TBC1D30: variants seen among roughly 807,000 people sequenced by gnomAD.
TBC1D30 encodes TBC1 domain family member 30.
In TBC1D30, 31 loss-of-function variants were observed where a neutral mutation model predicts 63.2. The ratio of observed to expected loss-of-function variants is 0.49; its 90% CI spans 0.37 to 0.66. TBC1D30 has a LOEUF of 0.66. TBC1D30 is among the 30% of genes least tolerant of loss of function. TBC1D30 has a pLI of 0.00. For missense variants in TBC1D30, 810 were observed against 953.6 expected, an observed-to-expected ratio of 0.85 and a Z score of 1.98; for synonymous variants, 307 against 361.5, an observed-to-expected ratio of 0.85 and a Z score of 1.71.
chr12:64,874,836 A>G (rs765555400), intron 11 of TBC1D30, among the ~76,000 whole-genome samples, 165 bp from the exon 12 acceptor site: 1 of 152,084 alleles, frequency 6.6e-6, no homozygotes, highest in Non-Finnish European at 1.5e-5. Context: ...CTTCGGTTGA[A>G]TTCAGTTTCT....
chr12:64,817,564 C>T (rs188142834), intron 2 of TBC1D30, among the ~76,000 whole-genome samples: 15 of 152,270 alleles, frequency 9.9e-5, no homozygotes, highest in Admixed American at 3.9e-4. Context: ...ACCTGGAGAG[C>T]GAAGGCTTCC....
intron 5 of TBC1D30, among the ~76,000 whole-genome samples, chr12:64,834,384 C>T (rs1032622421): frequency 1.3e-5 from 2 of 150,320 alleles, no homozygotes; most frequent in African/African-American, 4.9e-5. Context: ...ATTCAGAGCT[C>T]TCCCATTATT....
At chr12:64,787,403 TG>T in intron 2 of TBC1D30, 3 of 982,542 alleles carry the variant, frequency 3.1e-6, no homozygotes, top group Non-Finnish European at 3.6e-6. Context: ...ATAGGTACAA[TG>T]ATGTTTTTGA....
At chr12:64,820,208 T>C (rs1440056377), upstream of TBC1D30, among the ~76,000 whole-genome samples, 1 of 152,192 alleles carries the variant, frequency 6.6e-6, no homozygotes, top group Non-Finnish European at 1.5e-5. Context: ...TCAGACCCAC[T>C]TCCCCTTCTG....
chr12:64,822,005 A>G (rs1384614199), upstream of TBC1D30, among the ~76,000 whole-genome samples: 1 of 152,214 alleles, frequency 6.6e-6, no homozygotes, highest in Non-Finnish European at 1.5e-5. Context: ...TTACTTTTGC[A>G]GATGGCTCAT....
intron 8 of TBC1D30, among the ~76,000 whole-genome samples, chr12:64,843,792 T>A (rs1876112668): frequency 6.6e-6 from 1 of 152,182 alleles, no homozygotes; most frequent in Admixed American, 6.5e-5. Context: ...ATTTTATTCT[T>A]AGTCTTTCTT....
chr12:64,837,455 C>T (rs535812220), intron 6 of TBC1D30, among the ~76,000 whole-genome samples: 2 of 151,700 alleles, frequency 1.3e-5, no homozygotes, highest in South Asian at 4.2e-4. Flanking sequence ...AGTGACGGCT[C>T]ATCAGGCATT....
chr12:64,842,208 A>T (rs532465923), intron 7 of TBC1D30, among the ~76,000 whole-genome samples: 3 of 152,118 alleles, frequency 2.0e-5, no homozygotes, highest in South Asian at 4.2e-4. Flanking sequence ...AAATACAAAA[A>T]ACCAGCAGGG....
At chr12:64,855,545 G>A (rs1848456425) in intron 8 of TBC1D30, among the ~76,000 whole-genome samples, 1 of 151,954 alleles carries the variant, frequency 6.6e-6, no homozygotes, top group South Asian at 2.1e-4. Flanking sequence ...TCTCCTCTGT[G>A]TATTTTCATA....
rs973407985 is a variant in TBC1D30, at chr12:64,877,676, T to C, written c.*1888T>C. On this transcript the variant is annotated 3_prime_UTR_variant, in exon 12 of 12. Coordinates refer to ENST00000539867, the MANE Select transcript of TBC1D30 (RefSeq NM_015279.2). ...GGTGGAGAGATGGGCTTATTTTGCA[T>C]ACCACCCTCAGGGCCCAGAGACCCA... 6.6e-6 allele frequency: 1 copy of C among 152,240 alleles called. No individual in the cohort carries two copies. Among genetic ancestry groups the C allele is most frequent in the Non-Finnish European group, 1.5e-5 (1 of 68,054 alleles). 9.4% of individuals were successfully genotyped at this position (152,240 alleles called of 1,614,324 possible). A position where few individuals can be genotyped will look rare whatever the true frequency, so the allele number is the denominator to read the frequency against.
chr12:64,818,844 T>C (rs1052298221), intron 2 of TBC1D30: 7 of 152,192 alleles, frequency 4.6e-5, no homozygotes, highest in Non-Finnish European at 7.3e-5. Flanking sequence ...ATTTTTTTCA[T>C]GAATAAGTGA....
intron 11 of TBC1D30, 123 bp from the exon 12 acceptor site, chr12:64,874,878 C>A: frequency 1.1e-6 from 1 of 922,498 alleles, no homozygotes; most frequent in Non-Finnish European, 1.6e-6. Flanking sequence ...CTGCCCCTCC[C>A]TGGGGAACAC....
At chr12:64,796,826 A>G (rs1872303929) in intron 2 of TBC1D30, among the ~76,000 whole-genome samples, 1 of 152,128 alleles carries the variant, frequency 6.6e-6, no homozygotes, top group Non-Finnish European at 1.5e-5. Context: ...AGACCTCACG[A>G]TTTGAAGTTC....
chr12:64,794,925 A>G (rs1448109699), intron 2 of TBC1D30, among the ~76,000 whole-genome samples: 5 of 152,226 alleles, frequency 3.3e-5, no homozygotes, highest in Non-Finnish European at 5.9e-5. Context: ...ATTGCTCTAA[A>G]GATATTATGA....
chr12:64,860,319 AT>A (rs1407489677), intron 8 of TBC1D30, among the ~76,000 whole-genome samples: 5 of 151,574 alleles, frequency 3.3e-5, no homozygotes, highest in South Asian at 2.1e-4. Context: ...TGCTTGGCTA[AT>A]TTTTTTTAAT....
At position 64,830,367 on chromosome 12, in the gene TBC1D30, A is replaced by G. The variant is rs1217093992; in HGVS notation, c.283-10A>G. The G allele has an allele frequency of 5.9e-6, 9 of 1,518,134 alleles. No homozygotes were observed. In the Admixed American group the frequency reaches 9.9e-5, roughly 17 times the overall value. 94.0% of individuals were successfully genotyped at this position (1,518,134 alleles called of 1,614,324 possible). On this transcript the variant is annotated splice_polypyrimidine_tract_variant and intron_variant, in intron 3 of 11. Transcript: ENST00000539867. ...CTTTGGCATTCTCCTTTGTCTATGT[A>G]ATATTTTAGGTTTGGTTGACCTTGG...
upstream of TBC1D30, among the ~76,000 whole-genome samples, chr12:64,778,152 G>A (rs912068590): frequency 1.3e-4 from 20 of 152,264 alleles, no homozygotes; most frequent in African/African-American, 4.8e-4. Context: ...TGAGAAAAGC[G>A]GCTGTCCTTT....
intron 3 of TBC1D30, among the ~76,000 whole-genome samples, chr12:64,829,747 T>C (rs188009248): frequency 6.6e-6 from 1 of 152,350 alleles, no homozygotes; most frequent in East Asian, 1.9e-4. Flanking sequence ...TCTTTATATT[T>C]CTAGAATTTG....
chr12:64,835,674 T>A (rs1875285030), intron 5 of TBC1D30, among the ~76,000 whole-genome samples: 1 of 152,158 alleles, frequency 6.6e-6, no homozygotes, highest in Non-Finnish European at 1.5e-5. Context: ...AATACTATTA[T>A]AACTCTGAAA....
Sources: gnomAD v4.1 joint callset for allele counts (sites outside exome capture counted in the v4.1 genomes callset) on GRCh38, gnomAD v4.1.1 for gene constraint, MANE v1.5 for transcripts, NCBI Gene and HGNC (gene_info 2026-07-23, HGNC 2026-07-21) for gene names.